The following FANCC variants were observed in gnomAD, a reference collection of about 807,000 sequenced individuals.
FANCC encodes the protein Fanconi anemia group C protein.
FANCC carries 55 observed loss-of-function variants against 71.3 expected under a neutral mutation model. That is an observed-to-expected ratio of 0.77 (90% CI 0.62 to 0.97). The LOEUF (loss-of-function observed/expected upper bound fraction) is 0.97. Ranked by LOEUF, FANCC falls within the 50% of genes least tolerant of loss-of-function variation. The probability of loss-of-function intolerance (pLI) is 0.00; values close to 1 mark genes in which losing one functional copy is unlikely to be tolerated. For missense variants in FANCC, 678 were observed against 670.9 expected, an observed-to-expected ratio of 1.01 and a Z score of -0.12; for synonymous variants, 275 against 244.9, an observed-to-expected ratio of 1.12 and a Z score of -1.15.
At chr9:95,279,281 G>A (rs1833233219) in intron 1 of FANCC, among the ~76,000 whole-genome samples, 1 of 151,526 alleles carries the variant, frequency 6.6e-6, no homozygotes, top group Admixed American at 6.6e-5. Context: ...TCACACCACT[G>A]CACTCCAGCC....
intron 4 of FANCC, among the ~76,000 whole-genome samples, chr9:95,176,085 A>G (rs1023315138): frequency 1.3e-4 from 20 of 152,224 alleles, no homozygotes; most frequent in Non-Finnish European, 7.3e-5. Context: ...GTTCTAAGCC[A>G]ATTACAAATA....
intron 4 of FANCC, among the ~76,000 whole-genome samples, chr9:95,234,332 T>C (rs980094657): frequency 2.6e-5 from 4 of 152,244 alleles, no homozygotes; most frequent in Admixed American, 6.5e-5. Context: ...CCAGGTACTG[T>C]TCAATTTGCT....
intron 1 of FANCC, among the ~76,000 whole-genome samples, chr9:95,267,601 A>G (rs1034207754): frequency 9.8e-5 from 15 of 152,352 alleles, no homozygotes; most frequent in African/African-American, 2.6e-4. Context: ...ATTAGATCAC[A>G]AATTCACTTC....
intron 4 of FANCC, among the ~76,000 whole-genome samples, chr9:95,224,933 T>C (rs1829520520): frequency 6.6e-6 from 1 of 152,186 alleles, no homozygotes. Flanking sequence ...ACACAGCTTT[T>C]AAAAGACCTG....
At chr9:95,122,568 C>T (rs966036591) in intron 10 of FANCC, among the ~76,000 whole-genome samples, 2 of 152,198 alleles carry the variant, frequency 1.3e-5, no homozygotes, top group African/African-American at 4.8e-5. Flanking sequence ...ACACCAGGAC[C>T]CAGTGTGTGG....
At chr9:95,140,842 T>C (rs1228087393) in intron 7 of FANCC, among the ~76,000 whole-genome samples, 1 of 152,148 alleles carries the variant, frequency 6.6e-6, no homozygotes, top group Admixed American at 6.5e-5. Flanking sequence ...CATTATCATC[T>C]GCATGTACAG....
chr9:95,223,224 T>A (rs1045357138), intron 4 of FANCC, among the ~76,000 whole-genome samples: 1 of 152,208 alleles, frequency 6.6e-6, no homozygotes, highest in Non-Finnish European at 1.5e-5. Flanking sequence ...ACAGTCTTGA[T>A]ACTAGAATTC....
intron 1 of FANCC, among the ~76,000 whole-genome samples, chr9:95,268,864 G>A (rs1327628370): frequency 6.6e-6 from 1 of 152,168 alleles, no homozygotes; most frequent in Non-Finnish European, 1.5e-5. Flanking sequence ...AGCTATGAAA[G>A]GGGACTGACA....
intron 6 of FANCC, among the ~76,000 whole-genome samples, chr9:95,161,389 T>A (rs1161220004): frequency 6.6e-6 from 1 of 152,182 alleles, no homozygotes; most frequent in African/African-American, 2.4e-5. Context: ...CAATCAACAC[T>A]ACCTCTTGAT....
chr9:95,194,867 C>T lies in FANCC; in HGVS notation c.346-22720G>A, dbSNP rs201309216. Among the ~76,000 whole-genome samples, 793 of 152,160 alleles carry T rather than the reference C, an allele frequency of 5.2e-3. 13 individuals are homozygous for T. Among genetic ancestry groups the T allele is most frequent in the Non-Finnish European group, 7.5e-3 (508 of 67,996 alleles). ...TGAGGTCCTAACACAGTTGATTTTT[C>T]TTTTTACATATTATGCTTGGGGTAG... is the stretch of plus-strand genomic sequence containing the variant. On this transcript the variant is annotated intron_variant, in intron 4 of 14. Coordinates refer to ENST00000289081, the MANE Select transcript of FANCC (RefSeq NM_000136.3).
At chr9:95,109,745 T>A (rs913026162) in intron 13 of FANCC, 1 of 152,230 alleles carries the variant, frequency 6.6e-6, no homozygotes, top group African/African-American at 2.4e-5. Flanking sequence ...ACCAGCTGAT[T>A]TAATTGTGCC....
intron 4 of FANCC, among the ~76,000 whole-genome samples, chr9:95,200,987 T>C (rs968261003): frequency 1.3e-5 from 2 of 152,210 alleles, no homozygotes; most frequent in Admixed American, 1.3e-4. Context: ...ACTAAGATTA[T>C]GCTGAGCTGT....
At chr9:95,276,340 G>A (rs1833038963) in intron 1 of FANCC, among the ~76,000 whole-genome samples, 1 of 152,122 alleles carries the variant, frequency 6.6e-6, no homozygotes, top group African/African-American at 2.4e-5. Context: ...AGTACCTCTG[G>A]TTTCTTGCAT....
intron 4 of FANCC, among the ~76,000 whole-genome samples, chr9:95,225,528 A>G (rs1829563135): frequency 1.3e-5 from 2 of 152,226 alleles, no homozygotes; most frequent in Middle Eastern, 3.2e-3. Context: ...CAACTCAGTT[A>G]AAGTTATAGT....
chr9:95,149,428 A>C (rs1006394639), intron 7 of FANCC, among the ~76,000 whole-genome samples: 1 of 152,136 alleles, frequency 6.6e-6, no homozygotes, highest in African/African-American at 2.4e-5. Flanking sequence ...TGTACCCCCA[A>C]ACCTAAAATA....
Position 95,110,177 on chromosome 9 carries a change from G to A in FANCC, c.1329+1286C>T, listed in dbSNP as rs762082895. The A allele has an allele frequency of 6.7e-6, 6 of 894,410 alleles. No homozygotes were observed. In the East Asian group the frequency reaches 5.1e-4, roughly 76 times the overall value. The allele number at this position is 894,410 out of a possible 1,614,324, so 55.4% of individuals were successfully genotyped here. A position where few individuals can be genotyped will look rare whatever the true frequency, so the allele number is the denominator to read the frequency against. ...AAGGGTTTTATTTTTTCATAAAAAA[G>A]GACCAAGTTAGCTAGTAGAAGATGT... On this transcript the variant is annotated intron_variant, in intron 13 of 14. Coordinates refer to ENST00000289081, the MANE Select transcript of FANCC (RefSeq NM_000136.3).
At chr9:95,277,022 C>T (rs762582281) in intron 1 of FANCC, among the ~76,000 whole-genome samples, 3 of 152,162 alleles carry the variant, frequency 2.0e-5, no homozygotes, top group Non-Finnish European at 2.9e-5. Context: ...AATTCTCAAT[C>T]GCTGAAAATA....
chr9:95,286,268 A>C (rs537685392), intron 1 of FANCC, among the ~76,000 whole-genome samples: 16 of 152,324 alleles, frequency 1.1e-4, no homozygotes, highest in Non-Finnish European at 7.4e-5. Flanking sequence ...TAACCAGTGC[A>C]GTGATCTTTG....
chr9:95,249,139 G>C lies in FANCC; in HGVS notation c.153C>G (p.Ala51=). ...FQEFLRKMYE[A]LKEMDSNTVI... is the part of the protein sequence containing the mutation. ...GTCCACTACTTACCATCTCTTTCAA[G>C]GCTTCATACATCTTCCTTAGGAACT... The change falls in exon 2 of 15, where the codon GCC becomes GCG. Residue 51 remains alanine, a synonymous_variant. Coordinates refer to ENST00000289081, the MANE Select transcript of FANCC (RefSeq NM_000136.3). 1 of 1,613,896 alleles carries C rather than the reference G, an allele frequency of 6.2e-7. No individual in the cohort carries two copies. The highest frequency in any genetic ancestry group is 8.5e-7 in the Non-Finnish European group (1 of 1,179,912).
Sources: gnomAD v4.1 joint callset for allele counts (sites outside exome capture counted in the v4.1 genomes callset) on GRCh38, gnomAD v4.1.1 for gene constraint, MANE v1.5 for transcripts, NCBI Gene and HGNC (gene_info 2026-07-23, HGNC 2026-07-21) for gene names.